SRCAP: variants seen among roughly 807,000 people sequenced by gnomAD.
SRCAP encodes chromatin remodeling protein SRCAP.
Under a neutral mutation model 263.1 loss-of-function variants are expected in SRCAP, and 46 were observed. The observed-to-expected ratio is 0.17, with a 90% CI of 0.14 to 0.22. SRCAP has a LOEUF of 0.22. Among genes scored for constraint, SRCAP ranks in the 10% least tolerant of loss-of-function variants. SRCAP has a pLI of 1.00. For missense variants in SRCAP, 3,695 were observed against 4,181.9 expected, an observed-to-expected ratio of 0.88 and a Z score of 3.21; for synonymous variants, 1,813 against 1,662.1, an observed-to-expected ratio of 1.09 and a Z score of -2.21.
rs769480198 is a variant in SRCAP, at chr16:30,724,998, C to G, written c.5574C>G (p.Pro1858=). Residue 1858 remains proline (P), a synonymous_variant, in exon 25 of 34, where the codon CCC becomes CCG. Transcript: ENST00000262518. ...CACTGACATTGCGCTCTGGTCCCCC[C>G]AGCCCTCCCTCCACTGCTACCTCGT... ...PDTLTLRSGP[P]SPPSTATSFG... is the part of the protein sequence containing the mutation. 2 of 1,614,068 alleles carry G rather than the reference C, an allele frequency of 1.2e-6. No individual in the cohort carries two copies. The highest frequency in any genetic ancestry group is 1.7e-6 in the Non-Finnish European group (2 of 1,180,050).
chr16:30,739,153 T>G lies in SRCAP; in HGVS notation c.9113T>G (p.Leu3038Trp). 1.9e-6 allele frequency: 3 copies of G among 1,614,096 alleles called. No homozygotes were observed. Among genetic ancestry groups the G allele is most frequent in the Non-Finnish European group, 2.5e-6 (3 of 1,179,996 alleles). The change falls in exon 34 of 34, where the codon TTG (leucine) becomes TGG (tryptophan). Residue 3038 changes from leucine to tryptophan, a missense_variant. By Grantham distance (61) the Leu-to-Trp change is moderately conservative (BLOSUM62 -2). Transcript: ENST00000262518. Reference protein sequence around the residue: ...DSTSVLESCGLGRRRQPQGQG... With the variant: ...DSTSVLESCGWGRRRQPQGQG... ...ACTTCTGTTCTCGAGAGCTGTGGATTGGGGAGGCGACGGCAACCCCAGGGC... is the reference window on the plus strand; with the variant it reads ...ACTTCTGTTCTCGAGAGCTGTGGATGGGGGAGGCGACGGCAACCCCAGGGC...
chr16:30,724,712 C>G lies in SRCAP; in HGVS notation c.5288C>G (p.Ala1763Gly). ...GCTCCAGCTTCTCCAGTGGGCCCAG[C>G]CCCAGCTCACACGCTGACTTTGGCT... Reference protein sequence around the residue: ...PLAPASPVGPAPAHTLTLAPA... With the variant: ...PLAPASPVGPGPAHTLTLAPA... Residue 1763 changes from alanine to glycine, a missense_variant, in exon 25 of 34, where the codon GCC (alanine) becomes GGC (glycine). Physicochemically the swap from Ala to Gly is moderately conservative, Grantham distance 60. Coordinates refer to ENST00000262518, the MANE Select transcript of SRCAP (RefSeq NM_006662.3). 1 of 1,614,102 alleles carries G rather than the reference C, an allele frequency of 6.2e-7. No individual in the cohort carries two copies. The highest frequency in any genetic ancestry group is 8.5e-7 in the Non-Finnish European group (1 of 1,180,026).
rs746070143 is a variant in SRCAP at position 30,712,683 on chromosome 16, C to T, written c.1998C>T (p.Asn666=). ...LLAHLACEKG[N]WGPHLIIVPT... is the part of the protein sequence containing the mutation. ...TCTGATTTTTTTGCCTAACAGGTAA[C>T]TGGGGTCCCCATTTAATCATTGTTC... Residue 666 remains asparagine, a synonymous_variant, in exon 14 of 34, where the codon AAC becomes AAT. Coordinates refer to ENST00000262518, the MANE Select transcript of SRCAP (RefSeq NM_006662.3). 1.2e-6 allele frequency: 2 copies of T among 1,613,872 alleles called. No individual in the cohort carries two copies. Among genetic ancestry groups the T allele is most frequent in the Admixed American group, 1.7e-5 (1 of 59,930 alleles).
Position 30,709,920 on chromosome 16 carries a change from A to T in SRCAP, c.926A>T (p.Gln309Leu). 1 of 1,614,238 alleles carries T rather than the reference A, an allele frequency of 6.2e-7. No homozygotes were observed. Among genetic ancestry groups the T allele is most frequent in the Non-Finnish European group, 8.5e-7 (1 of 1,180,032 alleles). ...DEETIEVEEQ[Q>L]EGNDAEAQRR... The stretch of plus-strand genomic sequence containing the variant: ...GAAACGATTGAAGTTGAAGAACAAC[A>T]GGAAGGCAATGATGCAGAGGCCCAG... Residue 309 changes from glutamine (Q) to leucine (L), a missense_variant, in exon 8 of 34, where the codon CAG (glutamine) becomes CTG (leucine). Physicochemically the swap from Gln to Leu is moderately radical, Grantham distance 113 (BLOSUM62 -2). Transcript: ENST00000262518.
intron 3 of SRCAP, among the ~76,000 whole-genome samples, chr16:30,701,143 C>T (rs903261908): frequency 6.6e-6 from 1 of 152,228 alleles, no homozygotes. Context: ...TGGCACCATG[C>T]TTCTAATACC....
Position 30,712,821 on chromosome 16 carries a change from A to T in SRCAP, c.2130+6A>T, listed in dbSNP as rs894326862. ...AGAGGAAGCTCAAGCGGCAGGTTCG[A>T]TGTTTCATGTGGTCACTTTCCTCCC... On this transcript the variant is annotated splice_donor_region_variant and intron_variant, in intron 14 of 33. Coordinates refer to ENST00000262518, the MANE Select transcript of SRCAP (RefSeq NM_006662.3). 18 of 1,613,910 alleles carry T rather than the reference A, an allele frequency of 1.1e-5. No homozygotes were observed. Among genetic ancestry groups the T allele is most frequent in the Admixed American group, 1.7e-5 (1 of 59,992 alleles).
rs574682299 is a variant in SRCAP, at chr16:30,729,202, A to G, written c.5895A>G (p.Arg1965=). Residue 1965 remains arginine, a synonymous_variant, in exon 26 of 34, where the codon CGA becomes CGG. Transcript: ENST00000262518. The part of the protein sequence containing the change: ...AHRAVLFPQQ[R]LDQLSEIIER... ...GGGCTGTACTGTTTCCCCAGCAGCGACTAGACCAGCTGTCAGAAATCATTG... is the reference window on the plus strand; with the variant it reads ...GGGCTGTACTGTTTCCCCAGCAGCGGCTAGACCAGCTGTCAGAAATCATTG... 1.2e-6 allele frequency: 2 copies of G among 1,610,878 alleles called. No homozygotes were observed. The highest frequency in any genetic ancestry group is 4.5e-5 in the East Asian group (2 of 44,762).
chr16:30,711,219 T>C lies in SRCAP; in HGVS notation c.1318+131T>C, dbSNP rs2052887948. ...TCCATGTCTAATGACTAAGACAGACTTGTAAACCAGTAATGATAAGTAGAA... is the reference window on the plus strand; with the variant it reads ...TCCATGTCTAATGACTAAGACAGACCTGTAAACCAGTAATGATAAGTAGAA... On this transcript the variant is annotated intron_variant, in intron 10 of 33. Transcript: ENST00000262518. 5 of 714,930 alleles carry C rather than the reference T, an allele frequency of 7.0e-6. No homozygotes were observed. The Admixed American group carries it at 1.1e-4, about 15-fold the overall frequency. 44.3% of individuals were successfully genotyped at this position (714,930 alleles called of 1,614,324 possible).
Position 30,711,629 on chromosome 16 carries a change from T to C in SRCAP, c.1377T>C (p.Ser459=). 2 of 1,613,984 alleles carry C rather than the reference T, an allele frequency of 1.2e-6. No homozygotes were observed. The highest frequency in any genetic ancestry group is 1.7e-6 in the Non-Finnish European group (2 of 1,179,958). The change falls in exon 11 of 34, where the codon TCT becomes TCC. Residue 459 remains serine (S), a synonymous_variant. Coordinates refer to ENST00000262518, the MANE Select transcript of SRCAP (RefSeq NM_006662.3). ...ATGCAGGAGCCTATGCCCCAGGCTC[T>C]GGGAGCAGTGAAGATGAGGATGAAG... ...QQYAGAYAPG[S]GSSEDEDEDE...
rs1364665358 is a variant in SRCAP, at chr16:30,733,204, C to G, written c.6128-76C>G. ...CTTAAAGCATTGATTATCTTTCAACCCCAGCCTTGCATTGCTAAGCATTCT... is the reference window on the plus strand; with the variant it reads ...CTTAAAGCATTGATTATCTTTCAACGCCAGCCTTGCATTGCTAAGCATTCT... On this transcript the variant is annotated intron_variant, in intron 27 of 33. Coordinates refer to ENST00000262518, the MANE Select transcript of SRCAP (RefSeq NM_006662.3). This position sits in a 1 kb window ranked among gnomAD's most constrained non-coding sequence, Gnocchi z 5.3. 14 of 1,508,064 alleles carry G rather than the reference C, an allele frequency of 9.3e-6. No individual in the cohort carries two copies. The highest frequency in any genetic ancestry group is 1.9e-5 in the Admixed American group (1 of 52,770). 93.4% of individuals were successfully genotyped at this position (1,508,064 alleles called of 1,614,324 possible).
intron 3 of SRCAP, 76 bp from the exon 4 acceptor site, chr16:30,703,988 C>T (rs545543568): frequency 1.2e-4 from 178 of 1,491,092 alleles, no homozygotes; most frequent in African/African-American, 2.2e-4. Flanking sequence ...TTGTGAAGAT[C>T]GGATGAAATA....
rs181190579 is a variant in SRCAP at position 30,724,012 on chromosome 16, A to C, written c.4588A>C (p.Thr1530Pro). 6.2e-7 allele frequency: 1 copy of C among 1,613,598 alleles called. No individual in the cohort carries two copies. The highest frequency in any genetic ancestry group is 2.2e-5 in the East Asian group (1 of 44,878). ...TGGTCACCCTCTGTTGTTGGCTCCCACCTCTTCACATGTTCCAGGGTTGAA... is the reference window on the plus strand; with the variant it reads ...TGGTCACCCTCTGTTGTTGGCTCCCCCCTCTTCACATGTTCCAGGGTTGAA... ...TPGHPLLLAP[T>P]SSHVPGLNST... is the part of the protein sequence containing the mutation. Residue 1530 changes from threonine (T) to proline (P), a missense_variant, in exon 25 of 34, where the codon ACC becomes CCC. By Grantham distance (38) the Thr-to-Pro change is conservative. Around this residue, in one of 12 missense-constraint regions of SRCAP, gnomAD observed 1,347 missense variants for 1,304.4 expected, o/e 1.03. Transcript: ENST00000262518.
chr16:30,739,800 T>C lies in SRCAP; in HGVS notation c.*67T>C. ...CCTCCATGACCAGGCCTGACTCTGT[T>C]AACCACTACTTGAAGTCTTGAGGGG... On this transcript the variant is annotated 3_prime_UTR_variant, in exon 34 of 34. Coordinates refer to ENST00000262518, the MANE Select transcript of SRCAP (RefSeq NM_006662.3). 1 of 1,435,114 alleles carries C rather than the reference T, an allele frequency of 7.0e-7. No individual in the cohort carries two copies. Among genetic ancestry groups the C allele is most frequent in the Non-Finnish European group, 9.2e-7 (1 of 1,091,290 alleles). The allele number at this position is 1,435,114 out of a possible 1,614,324, so 88.9% of individuals were successfully genotyped here. A position where few individuals can be genotyped will look rare whatever the true frequency, so the allele number is the denominator to read the frequency against.
chr16:30,734,640 A>G, intron 31 of SRCAP, 25 bp downstream of exon 31: 5 of 1,613,934 alleles, frequency 3.1e-6, no homozygotes, highest in Non-Finnish European at 4.2e-6. Flanking sequence ...GGCAGTTCGT[A>G]AAGTTGAGCT....
rs1397015758 is a variant in SRCAP, at chr16:30,725,350, A to G, written c.5658+268A>G. The G allele has an allele frequency of 1.0e-5, 5 of 478,956 alleles. No homozygotes were observed. The East Asian group carries it at 2.2e-4, about 21-fold the overall frequency. The allele number at this position is 478,956 out of a possible 1,614,324, so 29.7% of individuals were successfully genotyped here. A position where few individuals can be genotyped will look rare whatever the true frequency, so the allele number is the denominator to read the frequency against. The stretch of plus-strand genomic sequence containing the variant: ...TTCCCGTTTTTTAACCCGCACGGTA[A>G]TAAATGGGCAGTAAAAGGAACTCTT... On this transcript the variant is annotated intron_variant, in intron 25 of 33. Coordinates refer to ENST00000262518, the MANE Select transcript of SRCAP (RefSeq NM_006662.3).
chr16:30,723,665 C>T lies in SRCAP; in HGVS notation c.4241C>T (p.Pro1414Leu), dbSNP rs2053033284. The T allele has an allele frequency of 6.2e-7, 1 of 1,613,882 alleles. No homozygotes were observed. The highest frequency in any genetic ancestry group is 8.5e-7 in the Non-Finnish European group (1 of 1,179,844). Residue 1414 changes from proline (P) to leucine (L), a missense_variant, in exon 25 of 34, where the codon CCA becomes CTA. Pro to Leu is a moderately conservative substitution (Grantham distance 98, BLOSUM62 -3). Around this residue, in one of 12 missense-constraint regions of SRCAP, gnomAD observed 1,347 missense variants for 1,304.4 expected, o/e 1.03. Transcript: ENST00000262518. The part of the protein sequence containing the change: ...PSSLPGPASS[P>L]MPIPNSSPLA... ...TCCCTCCCTGGGCCAGCCTCTTCTC[C>T]AATGCCAATTCCCAACTCCTCTCCC... is the stretch of plus-strand genomic sequence containing the variant.
rs1421572862 is a variant in SRCAP at position 30,707,340 on chromosome 16, G to A, written c.464G>A (p.Arg155His). ...QWLSADFAQE[R>H]RWKRGVARKV... is the part of the protein sequence containing the mutation. ...CTCTCTGCTGACTTTGCTCAGGAGC[G>A]CCGTTGGAAACGGGGTGTGGCCCGG... The change falls in exon 5 of 34, where the codon CGC becomes CAC. Residue 155 changes from arginine to histidine, a missense_variant. Coordinates refer to ENST00000262518, the MANE Select transcript of SRCAP (RefSeq NM_006662.3). 11 of 1,614,020 alleles carry A rather than the reference G, an allele frequency of 6.8e-6. No individual in the cohort carries two copies. The highest frequency in any genetic ancestry group is 8.5e-6 in the Non-Finnish European group (10 of 1,180,028).
chr16:30,734,434 C>T, intron 30 of SRCAP, 62 bp from the exon 31 acceptor site: 1 of 1,603,172 alleles, frequency 6.2e-7, no homozygotes, highest in Non-Finnish European at 8.5e-7. Flanking sequence ...ATCAGCCTTA[C>T]AGCTTAGACC....
intron 2 of SRCAP, 91 bp downstream of exon 2, chr16:30,700,072 T>C (rs971552927): frequency 6.6e-6 from 1 of 152,216 alleles, no homozygotes; most frequent in Non-Finnish European, 1.5e-5. Context: ...GGATTTTCAC[T>C]CTAGAGAAGC....
Sources: allele counts gnomAD v4.1 joint callset (sites outside exome capture counted in the v4.1 genomes callset), GRCh38; gene constraint gnomAD v4.1.1; regional missense constraint gnomAD v4.1.1; non-coding constraint Gnocchi (gnomAD v3.1); transcripts MANE v1.5; gene names NCBI Gene and HGNC (gene_info 2026-07-23, HGNC 2026-07-21).